Variants in STRN3 observed in about 807,000 individuals in gnomAD.
STRN3 encodes the protein striatin 3.
Under a neutral mutation model 95.6 loss-of-function variants are expected in STRN3, and 29 were observed. The ratio of observed to expected loss-of-function variants is 0.30; its 90% CI spans 0.23 to 0.41. The LOEUF (loss-of-function observed/expected upper bound fraction) is 0.41. Among genes scored for constraint, STRN3 ranks in the 10% least tolerant of loss-of-function variants. STRN3 has a pLI of 1.00. For missense variants in STRN3, 890 were observed against 972.1 expected (o/e 0.92, Z 1.12); for synonymous variants, 331 against 357.6 (o/e 0.93, Z 0.84).
intron 1 of STRN3, among the ~76,000 whole-genome samples, chr14:30,984,198 T>A (rs1242411364): frequency 2.7e-5 from 3 of 110,198 alleles, no homozygotes; most frequent in Non-Finnish European, 5.0e-5. Context: ...CATGAAAAAG[T>A]CTTGATAATT....
intron 3 of STRN3, among the ~76,000 whole-genome samples, chr14:30,954,968 T>C (rs1879830472): frequency 6.6e-6 from 1 of 150,834 alleles, no homozygotes; most frequent in South Asian, 2.1e-4. Context: ...GTGAAGTCAC[T>C]CTACTCCCTT....
chr14:30,918,656 G>C (rs748535915), intron 9 of STRN3, among the ~76,000 whole-genome samples: 26 of 151,966 alleles, frequency 1.7e-4, no homozygotes, highest in Non-Finnish European at 3.2e-4. Context: ...TTTTAAGTTT[G>C]TTTTTATAAA....
chr14:30,958,613 C>T (rs919077220), intron 1 of STRN3, among the ~76,000 whole-genome samples: 2 of 152,140 alleles, frequency 1.3e-5, no homozygotes, highest in African/African-American at 4.8e-5. Flanking sequence ...ATGTATCTCT[C>T]AATTTTCAGA....
At position 30,906,826 on chromosome 14, in the gene STRN3, T is replaced by G. The variant is rs1230754057; in HGVS notation, c.1888+51A>C. 9 of 1,544,454 alleles carry G rather than the reference T, an allele frequency of 5.8e-6. No homozygotes were observed. In the South Asian group the frequency reaches 1.1e-4, roughly 19 times the overall value. On this transcript the variant is annotated intron_variant, in intron 14 of 17. Transcript: ENST00000357479. ...ATCAATTACTTTGTCCTTTATATAT[T>G]CCAATTTTTTAAAAAAACTAACTTT...
chr14:30,964,397 CAAACATATCCAAA>C (rs1162375041), intron 1 of STRN3: 1 of 152,894 alleles, frequency 6.5e-6, no homozygotes, highest in African/African-American at 2.4e-5. Flanking sequence ...ATCAGGGATC[CAAACATATCCAAA>C]AAGCTAAAGA....
intron 3 of STRN3, among the ~76,000 whole-genome samples, chr14:30,953,953 A>G (rs538363612): frequency 1.6e-4 from 24 of 152,238 alleles, no homozygotes; most frequent in South Asian, 8.3e-4. Flanking sequence ...CCTCTTTAAT[A>G]ATAGTCATAG....
At chr14:30,985,789 C>T (rs1301813636) in intron 1 of STRN3, among the ~76,000 whole-genome samples, 2 of 152,176 alleles carry the variant, frequency 1.3e-5, no homozygotes, top group African/African-American at 2.4e-5. Flanking sequence ...ACACTTACAT[C>T]TTTTGCTAAT....
intron 1 of STRN3, among the ~76,000 whole-genome samples, chr14:30,998,145 T>G (rs1194765868): frequency 1.3e-5 from 2 of 152,180 alleles, no homozygotes; most frequent in Non-Finnish European, 2.9e-5. Flanking sequence ...GTCCCATCCC[T>G]AAACAACTGT....
intron 7 of STRN3, among the ~76,000 whole-genome samples, chr14:30,933,280 T>A (rs368284404): frequency 4.1e-3 from 94 of 22,778 alleles, no homozygotes; most frequent in African/African-American, 0.013. Context: ...CCCTGTTTCA[T>A]AAAAAAAAAA....
chr14:31,016,079 CAATAA>C (rs1339026797), intron 1 of STRN3, among the ~76,000 whole-genome samples: 5 of 152,134 alleles, frequency 3.3e-5, no homozygotes, highest in Non-Finnish European at 7.4e-5. Flanking sequence ...GAAAGGGGAG[CAATAA>C]TAATTCTCAC....
At chr14:30,949,523 A>AT (rs1241946119) in intron 4 of STRN3, among the ~76,000 whole-genome samples, 4 of 152,158 alleles carry the variant, frequency 2.6e-5, no homozygotes, top group African/African-American at 4.8e-5. Flanking sequence ...AGGCAGAAGA[A>AT]TTGCTTGAAC....
At chr14:31,012,894 C>T (rs997569622) in intron 1 of STRN3, among the ~76,000 whole-genome samples, 2 of 79,154 alleles carry the variant, frequency 2.5e-5, no homozygotes, top group African/African-American at 4.8e-5. Flanking sequence ...AACTCCGTCT[C>T]AAAAAAAAAA....
intron 12 of STRN3, 86 bp from the exon 13 acceptor site, chr14:30,911,248 G>A: frequency 4.3e-6 from 5 of 1,150,960 alleles, no homozygotes; most frequent in Non-Finnish European, 5.9e-6. Context: ...CTGAATTTAT[G>A]TAATATCTAA....
intron 1 of STRN3, among the ~76,000 whole-genome samples, chr14:31,003,394 A>G (rs179704): frequency 0.64 from 96,273 of 151,298 alleles, 31,626 homozygotes; most frequent in Non-Finnish European, 0.73. Context: ...AGACCTTGCT[A>G]TGGTTTGGAG....
At chr14:30,917,336 G>A (rs1896765702) in intron 9 of STRN3, among the ~76,000 whole-genome samples, 1 of 152,136 alleles carries the variant, frequency 6.6e-6, no homozygotes, top group African/African-American at 2.4e-5. Flanking sequence ...AGAGTTCTAA[G>A]TTGGTTTTTG....
intron 1 of STRN3, among the ~76,000 whole-genome samples, chr14:31,021,590 C>A (rs537924697): frequency 1.3e-5 from 2 of 152,124 alleles, no homozygotes; most frequent in African/African-American, 4.8e-5. Context: ...TAAAATAGAA[C>A]CAGAACCCCA....
rs750120839 is a variant in STRN3, at chr14:30,913,640, G to T, written c.1258C>A (p.Pro420Thr). 6.2e-7 allele frequency: 1 copy of T among 1,613,634 alleles called. No individual in the cohort carries two copies. The highest frequency in any genetic ancestry group is 8.5e-7 in the Non-Finnish European group (1 of 1,179,822). ...ATAAATGACTTGCCTCCTCCAGATG[G>T]AAACGTTATTGGTTCAGCTATAAAG... ...RAEEAEPITF[P>T]SGGGKSFIMG... Residue 420 changes from proline (P) to threonine (T), a missense_variant, in exon 10 of 18, where the codon CCA becomes ACA. Transcript: ENST00000357479.
At chr14:31,002,408 T>G (rs1376384316) in intron 1 of STRN3, among the ~76,000 whole-genome samples, 1 of 145,574 alleles carries the variant, frequency 6.9e-6, no homozygotes, top group African/African-American at 2.6e-5. Flanking sequence ...GAGGTGGAGG[T>G]TGCAGTGAGT....
intron 8 of STRN3, among the ~76,000 whole-genome samples, chr14:30,919,677 A>C (rs1053308469): frequency 6.6e-6 from 1 of 152,116 alleles, no homozygotes; most frequent in African/African-American, 2.4e-5. Flanking sequence ...TTCTTTCAAA[A>C]ATTTTTTCAT....
Sources: allele counts gnomAD v4.1 joint callset (sites outside exome capture counted in the v4.1 genomes callset), GRCh38; gene constraint gnomAD v4.1.1; transcripts MANE v1.5; gene names NCBI Gene and HGNC (gene_info 2026-07-23, HGNC 2026-07-21).